Variants in COQ6 observed in about 807,000 individuals in gnomAD.
The protein encoded by COQ6 is ubiquinone biosynthesis monooxygenase COQ6, mitochondrial.
A neutral mutation model predicts 55.5 loss-of-function variants in COQ6; 45 were observed. The ratio of observed to expected loss-of-function variants is 0.81; its 90% CI spans 0.64 to 1.04. The LOEUF (loss-of-function observed/expected upper bound fraction) is 1.04, where lower values mean the gene tolerates loss of function less well. Ranked by LOEUF, COQ6 falls within the 50% of genes least tolerant of loss-of-function variation. The pLI is 0.00. For missense variants in COQ6, 550 were observed against 601.3 expected (o/e 0.91, Z 0.89); for synonymous variants, 206 against 230.5 (o/e 0.89, Z 0.96).
rs1300265602 is a variant in COQ6, at chr14:73,950,328, G to A, written c.-5G>A. ...GTTCTGAGTGCGACGGCGCAGGTCT[G>A]CACCATGGCGGCCCGGCTTGTCAGC... On this transcript the variant is annotated 5_prime_UTR_variant, in exon 1 of 12. Transcript: ENST00000334571. 3.2e-6 allele frequency: 5 copies of A among 1,549,896 alleles called. No homozygotes were observed. In the Admixed American group the frequency reaches 5.8e-5, roughly 18 times the overall value.
chr14:73,955,522 C>CT lies in COQ6; in HGVS notation c.357+17dup. On this transcript the variant is annotated intron_variant, in intron 3 of 11. Coordinates refer to ENST00000334571, the MANE Select transcript of COQ6 (RefSeq NM_182476.3). ...TCGGCGAATGCAGGTGCCCCTTTAT[C>CT]TTTTCAATTTTGTCAAGATGTCTTG... 6.2e-7 allele frequency: 1 copy of CT among 1,613,112 alleles called. No individual in the cohort carries two copies. The highest frequency in any genetic ancestry group is 8.5e-7 in the Non-Finnish European group (1 of 1,179,046).
intron 8 of COQ6, chr14:73,960,140 C>T: frequency 2.0e-6 from 2 of 990,264 alleles, no homozygotes; most frequent in Non-Finnish European, 2.4e-6. Context: ...GCTACCTGAA[C>T]CTTTCAAGCC....
At chr14:73,959,580 TG>T (rs774989486) in intron 8 of COQ6, 58 bp downstream of exon 8, 288 of 1,612,350 alleles carry the variant, frequency 1.8e-4, no homozygotes, top group South Asian at 4.2e-4. Flanking sequence ...AGAAAGGTGT[TG>T]TTTTTTTTTT....
At chr14:73,950,581 C>T (rs1002283651) in intron 1 of COQ6, 86 bp downstream of exon 1, 1 of 1,498,956 alleles carries the variant, frequency 6.7e-7, no homozygotes, top group East Asian at 2.5e-5. Flanking sequence ...ACGACTTGCC[C>T]AAAGACAATT....
At chr14:73,960,891 A>T in intron 8 of COQ6, 1 of 521,362 alleles carries the variant, frequency 1.9e-6, no homozygotes, top group South Asian at 2.0e-5. Flanking sequence ...GATGAGCTAT[A>T]CTGTGGCTGG....
At chr14:73,953,768 C>G in intron 2 of COQ6, 199 bp downstream of exon 2, 1 of 661,408 alleles carries the variant, frequency 1.5e-6, no homozygotes, top group South Asian at 1.7e-5. Context: ...AACTCCCTGT[C>G]TGAGGAATGC....
Position 73,963,468 on chromosome 14 carries a change from T to C in COQ6, c.*469T>C, listed in dbSNP as rs575176709. On this transcript the variant is annotated 3_prime_UTR_variant, in exon 12 of 12. Coordinates refer to ENST00000334571, the MANE Select transcript of COQ6 (RefSeq NM_182476.3). ...AAATATAAATTGCTTTAACCTTTGT[T>C]ACAGGTATACTGGACTTTCTGAAAG... The C allele has an allele frequency of 3.1e-4, 61 of 196,720 alleles. 1 individual carries two copies. The highest frequency in any genetic ancestry group is 1.0e-3 in the South Asian group (10 of 9,944). 12.2% of individuals were successfully genotyped at this position (196,720 alleles called of 1,614,324 possible).
rs774060930 is a variant in COQ6 at position 73,963,213 on chromosome 14, C to T, written c.*214C>T. 16 of 586,526 alleles carry T rather than the reference C, an allele frequency of 2.7e-5. No homozygotes were observed. The highest frequency in any genetic ancestry group is 9.9e-5 in the Admixed American group (3 of 30,394). 36.3% of individuals were successfully genotyped at this position (586,526 alleles called of 1,614,324 possible). A position where few individuals can be genotyped will look rare whatever the true frequency, so the allele number is the denominator to read the frequency against. On this transcript the variant is annotated 3_prime_UTR_variant, in exon 12 of 12. Transcript: ENST00000334571. ...TTAGCCAGACCAAAGGAAAAAACTT[C>T]GAAGGAAGACTTACAATTTGGTTGA...
At position 73,954,954 on chromosome 14, in the gene COQ6, A is replaced by AT. The variant is rs560443872; in HGVS notation, c.299-482dup. Among the ~76,000 whole-genome samples, 147 of 109,086 alleles carry AT rather than the reference A, an allele frequency of 1.3e-3. 1 individual carries two copies. Among genetic ancestry groups the AT allele is most frequent in the Non-Finnish European group, 1.9e-3 (104 of 54,544 alleles). The allele number at this position is 109,086 out of a possible 152,430, so 71.6% of individuals were successfully genotyped here. On this transcript the variant is annotated intron_variant, in intron 2 of 11. Coordinates refer to ENST00000334571, the MANE Select transcript of COQ6 (RefSeq NM_182476.3). ...GCTGAGTCTTTTTTTTTTTTATTTT[A>AT]TTTTTTTTTTTTTTTGAGACGGAGT...
rs376432164 is a variant in COQ6, at chr14:73,959,079, G to A, written c.720+1G>A. 1 of 1,614,182 alleles carries A rather than the reference G, an allele frequency of 6.2e-7. No individual in the cohort carries two copies. Among genetic ancestry groups the A allele is most frequent in the Non-Finnish European group, 8.5e-7 (1 of 1,180,032 alleles). ...TGTGGCTACTCTGCATTTATCAGAG[G>A]TAAGATCCTGAGCTGCCATCTGGGG... On this transcript the variant is annotated splice_donor_variant, in intron 6 of 11. Coordinates refer to ENST00000334571, the MANE Select transcript of COQ6 (RefSeq NM_182476.3). LOFTEE classifies it high-confidence loss of function.
chr14:73,950,245 A>G, upstream of COQ6: 1 of 1,538,452 alleles, frequency 6.5e-7, no homozygotes, highest in Non-Finnish European at 8.7e-7. Flanking sequence ...ACGCCGCGGA[A>G]GCGGGACGGG....
intron 5 of COQ6, chr14:73,958,492 T>A (rs1031298924): frequency 7.2e-7 from 1 of 1,387,612 alleles, no homozygotes; most frequent in African/African-American, 1.5e-5. Context: ...GGTTGTGAAA[T>A]AACAGATAGC....
chr14:73,958,482 G>T, intron 5 of COQ6: 1 of 1,406,784 alleles, frequency 7.1e-7, no homozygotes, highest in Non-Finnish European at 9.3e-7. Context: ...GGCCGTCTTA[G>T]GTTGTGAAAT....
In COQ6 at chr14:73,958,995, G is replaced by A. The variant is rs746166667; in HGVS notation, c.637G>A (p.Gly213Arg). Residue 213 changes from glycine (G) to arginine (R), a missense_variant, in exon 6 of 12, where the codon GGA becomes AGA. Physicochemically the swap from Gly to Arg is moderately radical, Grantham distance 125 (BLOSUM62 -2). Coordinates refer to ENST00000334571, the MANE Select transcript of COQ6 (RefSeq NM_182476.3). ...GATAGGTGCAGATGGTCACAACTCCGGAGTACGGCAGGCTGTTGGAATCCA... is the reference window on the plus strand; with the variant it reads ...GATAGGTGCAGATGGTCACAACTCCAGAGTACGGCAGGCTGTTGGAATCCA... ...LLIGADGHNSGVRQAVGIQNV... is the reference protein window; with the variant it reads ...LLIGADGHNSRVRQAVGIQNV... The A allele has an allele frequency of 3.4e-5, 55 of 1,613,958 alleles. 1 individual carries two copies. Among genetic ancestry groups the A allele is most frequent in the Non-Finnish European group, 4.3e-5 (51 of 1,180,040 alleles).
chr14:73,959,395 T>C lies in COQ6; in HGVS notation c.784-20T>C, dbSNP rs2056600454. Reference sequence around the variant, plus strand: ...TGCAGCAGAGTCTTAGCCGTTGGTATTGGTGTTCTTTTGACACAGCTCTCA... The same window carrying C: ...TGCAGCAGAGTCTTAGCCGTTGGTACTGGTGTTCTTTTGACACAGCTCTCA... On this transcript the variant is annotated intron_variant, in intron 7 of 11. Transcript: ENST00000334571. The C allele has an allele frequency of 8.7e-6, 14 of 1,614,208 alleles. No individual in the cohort carries two copies. The highest frequency in any genetic ancestry group is 1.2e-5 in the Non-Finnish European group (14 of 1,180,048).
At chr14:73,958,775 G>C in intron 5 of COQ6, 196 bp from the exon 6 acceptor site, 1 of 1,490,240 alleles carries the variant, frequency 6.7e-7, no homozygotes. Context: ...GTCATGTCCA[G>C]CTTTGGCTCT....
chr14:73,953,559 G>T lies in COQ6; in HGVS notation c.288G>T (p.Thr96=). ...RVSSISPGSA[T]LLSSFGAWDH... is the part of the protein sequence containing the mutation. Reference sequence around the variant, plus strand: ...GCTCCATTTCCCCTGGCTCTGCAACGCTTCTCAGTAGTGAGTAGAAGATCC... The same window carrying T: ...GCTCCATTTCCCCTGGCTCTGCAACTCTTCTCAGTAGTGAGTAGAAGATCC... Residue 96 remains threonine (T), a synonymous_variant, in exon 2 of 12, where the codon ACG becomes ACT. Coordinates refer to ENST00000334571, the MANE Select transcript of COQ6 (RefSeq NM_182476.3). 6.2e-7 allele frequency: 1 copy of T among 1,614,174 alleles called. No individual in the cohort carries two copies. The highest frequency in any genetic ancestry group is 8.5e-7 in the Non-Finnish European group (1 of 1,180,038).
intron 8 of COQ6, chr14:73,959,758 T>C: frequency 1.7e-6 from 2 of 1,154,526 alleles, no homozygotes; most frequent in South Asian, 1.6e-5. Flanking sequence ...TTAGTAGAGA[T>C]GAGGTTTCAC....
At chr14:73,953,859 T>C (rs140464318) in intron 2 of COQ6, 2 of 503,486 alleles carry the variant, frequency 4.0e-6, no homozygotes, top group East Asian at 3.7e-5. Context: ...TGAAATCATA[T>C]GAACTAATCA....
Sources: allele counts gnomAD v4.1 joint callset (sites outside exome capture counted in the v4.1 genomes callset), GRCh38; gene constraint gnomAD v4.1.1; transcripts MANE v1.5; gene names NCBI Gene and HGNC (gene_info 2026-07-23, HGNC 2026-07-21).